The following DOCK10 variants were observed in gnomAD, a reference collection of about 807,000 sequenced individuals.
The protein encoded by DOCK10 is dedicator of cytokinesis protein 10.
DOCK10 carries 145 observed loss-of-function variants against 280.1 expected under a neutral mutation model. The observed-to-expected ratio is 0.52, with a 90% CI of 0.45 to 0.59. DOCK10 has a LOEUF of 0.59. Among genes scored for constraint, DOCK10 ranks in the 20% least tolerant of loss-of-function variants. The probability of loss-of-function intolerance (pLI) is 0.00; values close to 1 mark genes in which losing one functional copy is unlikely to be tolerated. For synonymous variants in DOCK10, 915 were observed against 942.2 expected (o/e 0.97, Z 0.53); for missense variants, 2,368 against 2,651.7 (o/e 0.89, Z 2.35).
chr2:224,944,091 T>C (rs1209302597), intron 1 of DOCK10, among the ~76,000 whole-genome samples: 1 of 152,092 alleles, frequency 6.6e-6, no homozygotes, highest in Non-Finnish European at 1.5e-5. Context: ...CTTAGATGAA[T>C]GTGCTGGGCA....
rs181363845 is a variant in DOCK10, at chr2:224,853,090, G to C, written c.1921C>G (p.Pro641Ala). ...TCTGTTTGAGCCATCATGTTGAAAG[G>C]CTTGACAGGGATAAAGGACGATGTT... Reference protein sequence around the residue: ...CVTSSFIPVKPFNMMAQTEPT... With the variant: ...CVTSSFIPVKAFNMMAQTEPT... The change falls in exon 17 of 56, where the codon CCT becomes GCT. Residue 641 changes from proline (P) to alanine (A), a missense_variant. This residue lies in a region of DOCK10 where 1,209 missense variants were observed against 1,250.9 expected (regional missense o/e 0.97). Coordinates refer to ENST00000258390, the MANE Select transcript of DOCK10 (RefSeq NM_014689.3). 6.2e-6 allele frequency: 10 copies of C among 1,606,326 alleles called. No individual in the cohort carries two copies. Among genetic ancestry groups the C allele is most frequent in the Non-Finnish European group, 7.7e-6 (9 of 1,175,686 alleles).
chr2:224,915,604 A>G (rs976298959), intron 3 of DOCK10, among the ~76,000 whole-genome samples: 9 of 152,248 alleles, frequency 5.9e-5, no homozygotes, highest in Non-Finnish European at 1.3e-4. Context: ...TTAAGAGCCG[A>G]GAAAAGATAT....
intron 11 of DOCK10, among the ~76,000 whole-genome samples, chr2:224,867,886 G>A (rs1018708885): frequency 1.3e-5 from 2 of 152,178 alleles, no homozygotes; most frequent in African/African-American, 4.8e-5. Context: ...AGGAAATGAA[G>A]TGGATGGTCA....
intron 1 of DOCK10, among the ~76,000 whole-genome samples, chr2:225,039,707 TCTC>T (rs1229801911): frequency 1.3e-5 from 2 of 152,076 alleles, no homozygotes; most frequent in Non-Finnish European, 2.9e-5. Flanking sequence ...TCTCTCTCTC[TCTC>T]TCTGTATACA....
chr2:225,033,342 C>T (rs1690135756), intron 1 of DOCK10, among the ~76,000 whole-genome samples: 1 of 151,990 alleles, frequency 6.6e-6, no homozygotes, highest in African/African-American at 2.4e-5. Flanking sequence ...GCCACCACGC[C>T]CGGCTAATTT....
chr2:224,910,312 G>C (rs1282974845), intron 3 of DOCK10, among the ~76,000 whole-genome samples: 1 of 152,216 alleles, frequency 6.6e-6, no homozygotes, highest in Non-Finnish European at 1.5e-5. Context: ...GTATGCATCA[G>C]AGTCACCTGA....
intron 39 of DOCK10, among the ~76,000 whole-genome samples, chr2:224,802,244 A>G (rs184658963): frequency 3.5e-4 from 54 of 152,312 alleles, no homozygotes; most frequent in Admixed American, 3.1e-3. Context: ...TTAAGCCAAA[A>G]TAGTGTTCAC....
chr2:224,822,913 A>C (rs1694592942), intron 28 of DOCK10, among the ~76,000 whole-genome samples: 1 of 151,996 alleles, frequency 6.6e-6, no homozygotes, highest in Admixed American at 6.6e-5. Flanking sequence ...TTTCTCTTAA[A>C]ATATATTTAG....
At chr2:224,938,100 G>C (rs1056482029) in intron 1 of DOCK10, among the ~76,000 whole-genome samples, 1 of 152,160 alleles carries the variant, frequency 6.6e-6, no homozygotes, top group Non-Finnish European at 1.5e-5. Flanking sequence ...ACCTGAAGTA[G>C]TTATTCTTGG....
At chr2:224,924,441 G>A (rs564749277) in intron 2 of DOCK10, among the ~76,000 whole-genome samples, 42 of 152,100 alleles carry the variant, frequency 2.8e-4, no homozygotes, top group Non-Finnish European at 4.6e-4. Flanking sequence ...TTTCCTATAC[G>A]TGGACTATAT....
intron 31 of DOCK10, among the ~76,000 whole-genome samples, chr2:224,808,560 G>A (rs2125234434): frequency 6.6e-6 from 1 of 152,192 alleles, no homozygotes; most frequent in East Asian, 1.9e-4. Context: ...GAAAGCGCAG[G>A]TGTGGAAGGG....
At chr2:224,989,770 A>T (rs1293091898) in intron 1 of DOCK10, among the ~76,000 whole-genome samples, 1 of 152,116 alleles carries the variant, frequency 6.6e-6, no homozygotes, top group Non-Finnish European at 1.5e-5. Context: ...TCTTCCTAGG[A>T]CCCAGTTAGT....
chr2:224,791,305 C>G (rs1010586451), intron 47 of DOCK10, among the ~76,000 whole-genome samples: 1 of 152,070 alleles, frequency 6.6e-6, no homozygotes, highest in Non-Finnish European at 1.5e-5. Flanking sequence ...ATATAAATAT[C>G]AGGCTACATA....
rs1697765614 is a variant in DOCK10, at chr2:224,864,756, G to A, written c.1480-81C>T. 9 of 1,576,034 alleles carry A rather than the reference G, an allele frequency of 5.7e-6. No individual in the cohort carries two copies. The Admixed American group carries it at 1.3e-4, about 23-fold the overall frequency. On this transcript the variant is annotated intron_variant, in intron 12 of 55. Transcript: ENST00000258390. ...ACAAAATTCCATTTTTTTAAAAAAG[G>A]ACAGCTTTAAGGGAATTTTTATTCA... is the stretch of plus-strand genomic sequence containing the variant.
intron 1 of DOCK10, among the ~76,000 whole-genome samples, chr2:224,956,312 A>C (rs1575111696): frequency 6.6e-6 from 1 of 152,210 alleles, no homozygotes; most frequent in Non-Finnish European, 1.5e-5. Flanking sequence ...TGGGGGGTTT[A>C]GTAATCTGGC....
At chr2:224,965,798 T>C (rs1704702856) in intron 1 of DOCK10, among the ~76,000 whole-genome samples, 2 of 152,212 alleles carry the variant, frequency 1.3e-5, no homozygotes, top group African/African-American at 4.8e-5. Context: ...TTGAAAATTG[T>C]TTAAAAAAAG....
intron 48 of DOCK10, among the ~76,000 whole-genome samples, chr2:224,787,806 C>G (rs1182253924): frequency 6.6e-6 from 1 of 152,158 alleles, no homozygotes; most frequent in Non-Finnish European, 1.5e-5. Flanking sequence ...AGTATGTAAA[C>G]TGCTGTCCAA....
intron 55 of DOCK10, 126 bp from the exon 56 acceptor site, chr2:224,765,963 G>T: frequency 1.5e-6 from 1 of 645,880 alleles, no homozygotes; most frequent in South Asian, 3.2e-5. Flanking sequence ...ATTATAAAAA[G>T]ACACATATTA....
At chr2:224,779,016 G>T (rs1473797388) in intron 50 of DOCK10, among the ~76,000 whole-genome samples, 1 of 152,074 alleles carries the variant, frequency 6.6e-6, no homozygotes, top group African/African-American at 2.4e-5. Flanking sequence ...TTCCACAAGA[G>T]CAAGTAGGTT....
Sources: gnomAD v4.1 joint callset for allele counts (sites outside exome capture counted in the v4.1 genomes callset) on GRCh38, gnomAD v4.1.1 for gene constraint, gnomAD v4.1.1 regional missense constraint, MANE v1.5 for transcripts, NCBI Gene and HGNC (gene_info 2026-07-23, HGNC 2026-07-21) for gene names.